GPAT4: variants seen among roughly 807,000 people sequenced by gnomAD.
GPAT4 encodes glycerol-3-phosphate acyltransferase 4.
Under a neutral mutation model 58.0 loss-of-function variants are expected in GPAT4, and 17 were observed. The ratio of observed to expected loss-of-function variants is 0.29; its 90% confidence interval spans 0.20 to 0.44. The LOEUF is 0.44. Ranked by LOEUF, GPAT4 falls within the 20% of genes least tolerant of loss-of-function variation. The pLI is 1.00. For missense variants in GPAT4, 377 were observed against 574.5 expected (o/e 0.66, Z 3.51); for synonymous variants, 204 against 210.1 (o/e 0.97, Z 0.25).
chr8:41,612,351 C>T, intron 7 of GPAT4, 78 bp downstream of exon 7: 2 of 1,434,718 alleles, frequency 1.4e-6, no homozygotes, highest in Non-Finnish European at 1.9e-6. Context: ...CTCCTGGACC[C>T]TTCACATAAA....
intron 2 of GPAT4, among the ~76,000 whole-genome samples, chr8:41,607,477 T>C (rs1032074226): frequency 6.6e-6 from 1 of 152,150 alleles, no homozygotes; most frequent in Admixed American, 6.5e-5. Flanking sequence ...ATGTCATATA[T>C]TCTCTGCCTA....
chr8:41,590,568 C>T (rs1235396480), intron 1 of GPAT4, among the ~76,000 whole-genome samples: 6 of 152,218 alleles, frequency 3.9e-5, no homozygotes, highest in East Asian at 1.9e-4. Context: ...ATGACTCCAC[C>T]GTACAGCCAT....
At chr8:41,610,443 A>C (rs1803407714) in intron 4 of GPAT4, 1 of 1,288,344 alleles carries the variant, frequency 7.8e-7, no homozygotes, top group African/African-American at 1.5e-5. Context: ...GGCAGCAGGG[A>C]GCAGCCCTGT....
rs1047420314 is a variant in GPAT4 at position 41,623,619 on chromosome 8, GTCT to G, written c.*2622_*2624del. Reference sequence around the variant, plus strand: ...TCAAACTTTGGCTTTGATCTCTGAAGTCTTCTGGGTTTGGAAATACGGGAAGTC... The same window carrying G: ...TCAAACTTTGGCTTTGATCTCTGAAGTCTGGGTTTGGAAATACGGGAAGTC... On this transcript the variant is annotated 3_prime_UTR_variant, in exon 13 of 13. Transcript: ENST00000396987. The G allele has an allele frequency of 1.3e-5, 2 of 152,206 alleles. No homozygotes were observed. The highest frequency in any genetic ancestry group is 4.8e-5 in the African/African-American group (2 of 41,434). The allele number at this position is 152,206 out of a possible 1,614,324, so 9.4% of individuals were successfully genotyped here. A position where few individuals can be genotyped will look rare whatever the true frequency, so the allele number is the denominator to read the frequency against.
At chr8:41,612,756 G>A (rs1585672963) in intron 7 of GPAT4, 89 bp from the exon 8 acceptor site, 3 of 1,185,690 alleles carry the variant, frequency 2.5e-6, no homozygotes, top group African/African-American at 1.5e-5. Context: ...AAGTTGGACT[G>A]CTTATTTTGT....
intron 3 of GPAT4, 82 bp downstream of exon 3, chr8:41,609,567 C>A: frequency 6.3e-7 from 1 of 1,597,982 alleles, no homozygotes; most frequent in Non-Finnish European, 8.6e-7. Context: ...ACACGCTCTT[C>A]CCTGCATTAG....
chr8:41,587,555 A>T (rs906215982), intron 1 of GPAT4, among the ~76,000 whole-genome samples: 4 of 152,194 alleles, frequency 2.6e-5, no homozygotes, highest in African/African-American at 9.7e-5. Flanking sequence ...CACTACTGAC[A>T]TTTGGGGCTG....
chr8:41,616,844 A>G (rs570427329), intron 10 of GPAT4, among the ~76,000 whole-genome samples: 83 of 152,320 alleles, frequency 5.4e-4, no homozygotes, highest in African/African-American at 1.7e-3. Flanking sequence ...TGAACTCTTT[A>G]TTGGTAATCA....
intron 1 of GPAT4, 80 bp downstream of exon 1, chr8:41,578,358 T>C (rs1286552638): frequency 2.6e-5 from 4 of 151,752 alleles, no homozygotes; most frequent in Admixed American, 2.6e-4. Context: ...GAGCCGGGCT[T>C]GGGCGGCCGC....
intron 10 of GPAT4, among the ~76,000 whole-genome samples, chr8:41,615,358 T>G (rs1469479795): frequency 6.6e-6 from 1 of 151,350 alleles, no homozygotes; most frequent in Non-Finnish European, 1.5e-5. Flanking sequence ...CTAGCTGGAA[T>G]GTAGGCCCCT....
At chr8:41,580,088 TGAAG>T in intron 1 of GPAT4, among the ~76,000 whole-genome samples, 1 of 152,318 alleles carries the variant, frequency 6.6e-6, no homozygotes, top group East Asian at 1.9e-4. Flanking sequence ...CTTACATTCA[TGAAG>T]GATTTGGATA....
intron 1 of GPAT4, among the ~76,000 whole-genome samples, chr8:41,580,368 A>G (rs1023593554): frequency 3.3e-5 from 5 of 152,226 alleles, no homozygotes; most frequent in African/African-American, 4.8e-5. Flanking sequence ...TGAGAGAACA[A>G]TAGCATCATC....
intron 10 of GPAT4, 103 bp downstream of exon 10, chr8:41,615,151 C>G: frequency 9.6e-7 from 1 of 1,043,718 alleles, no homozygotes; most frequent in Non-Finnish European, 1.4e-6. Flanking sequence ...AGTCTGTGGT[C>G]GATGCCCTCA....
chr8:41,595,771 C>G (rs1802914663), intron 1 of GPAT4, among the ~76,000 whole-genome samples: 1 of 151,858 alleles, frequency 6.6e-6, no homozygotes, highest in African/African-American at 2.4e-5. Flanking sequence ...TGCCTCTCTC[C>G]CTCCTTGACT....
intron 1 of GPAT4, among the ~76,000 whole-genome samples, chr8:41,584,065 T>A (rs1257486033): frequency 6.6e-6 from 1 of 152,016 alleles, no homozygotes; most frequent in Non-Finnish European, 1.5e-5. Flanking sequence ...CCCAGCTAAT[T>A]TGTGTATTTT....
At chr8:41,586,320 T>C (rs1352008728) in intron 1 of GPAT4, among the ~76,000 whole-genome samples, 1 of 152,254 alleles carries the variant, frequency 6.6e-6, no homozygotes, top group Admixed American at 6.5e-5. Context: ...CATCAGTTGA[T>C]GGACATTTTG....
intron 1 of GPAT4, among the ~76,000 whole-genome samples, chr8:41,583,755 G>A (rs1371954795): frequency 6.6e-6 from 1 of 152,158 alleles, no homozygotes; most frequent in East Asian, 1.9e-4. Context: ...GTAATGTTCA[G>A]GTCTGAGGTT....
chr8:41,599,031 C>A lies in GPAT4; in HGVS notation c.-109C>A, dbSNP rs1312176936. ...GGACTTTGGAATGGGGTTTGCTGTT[C>A]TTCGGGAACTTGCTTCCTTTCCCTG... is the stretch of plus-strand genomic sequence containing the variant. On this transcript the variant is annotated 5_prime_UTR_variant, in exon 2 of 13. Transcript: ENST00000396987. 1 of 1,418,846 alleles carries A rather than the reference C, an allele frequency of 7.0e-7. No homozygotes were observed. The highest frequency in any genetic ancestry group is 2.3e-5 in the East Asian group (1 of 43,214). The allele number at this position is 1,418,846 out of a possible 1,614,324, so 87.9% of individuals were successfully genotyped here. A position where few individuals can be genotyped will look rare whatever the true frequency, so the allele number is the denominator to read the frequency against.
At chr8:41,605,146 C>T (rs572341383) in intron 2 of GPAT4, among the ~76,000 whole-genome samples, 3 of 152,342 alleles carry the variant, frequency 2.0e-5, no homozygotes, top group African/African-American at 7.2e-5. Flanking sequence ...AAATTAGTGA[C>T]TGCCTACTAA....
Sources: allele counts gnomAD v4.1 joint callset (sites outside exome capture counted in the v4.1 genomes callset), GRCh38; gene constraint gnomAD v4.1.1; transcripts MANE v1.5; gene names NCBI Gene and HGNC (gene_info 2026-07-23, HGNC 2026-07-21).